Variants in GRIN2B observed in about 807,000 individuals in gnomAD.
GRIN2B encodes the protein glutamate ionotropic receptor NMDA type subunit 2B.
GRIN2B carries 5 observed loss-of-function variants against 114.5 expected under a neutral mutation model. That is an observed-to-expected ratio of 0.04 (90% CI 0.02 to 0.09). The LOEUF is 0.09. Among genes scored for constraint, GRIN2B ranks in the 10% least tolerant of loss-of-function variants. GRIN2B has a pLI of 1.00. For missense variants in GRIN2B, 1,108 were observed against 1,943.5 expected, an observed-to-expected ratio of 0.57 and a Z score of 8.08; for synonymous variants, 787 against 745.1, an observed-to-expected ratio of 1.06 and a Z score of -0.92.
intron 3 of GRIN2B, among the ~76,000 whole-genome samples, chr12:13,763,309 C>G (rs1863716567): frequency 6.6e-6 from 1 of 152,148 alleles, no homozygotes; most frequent in African/African-American, 2.4e-5. Flanking sequence ...AATTGGTGCA[C>G]TGATTGTGAA....
Position 13,542,100 on chromosome 12 carries a change from C to G in GRIN2B, c.*20683G>C, listed in dbSNP as rs7977373. 1 of 152,124 alleles carries G rather than the reference C, an allele frequency of 6.6e-6. No homozygotes were observed. Among genetic ancestry groups the G allele is most frequent in the South Asian group, 2.1e-4 (1 of 4,812 alleles). 9.4% of individuals were successfully genotyped at this position (152,124 alleles called of 1,614,324 possible). On this transcript the variant is annotated 3_prime_UTR_variant, in exon 14 of 14. Coordinates refer to ENST00000609686, the MANE Select transcript of GRIN2B (RefSeq NM_000834.5). ...GATCCTTGAAAACGCTCTCTCAAGG[C>G]TTTTAAAGACTTTCATTCATTTCCA...
chr12:13,572,040 G>GTGAAGAGACA (rs1948715646), intron 10 of GRIN2B, 76 bp from the exon 11 acceptor site: 5 of 1,188,088 alleles, frequency 4.2e-6, no homozygotes, highest in Non-Finnish European at 4.9e-6. Context: ...TTTAGAAAAT[G>GTGAAGAGACA]TGAAGAGACA....
chr12:13,839,143 T>C (rs961544064), intron 3 of GRIN2B, among the ~76,000 whole-genome samples: 2 of 152,232 alleles, frequency 1.3e-5, no homozygotes. Context: ...CTGTGAAGCA[T>C]ACATGTGCAG....
rs1056507507 is a variant in GRIN2B at position 13,980,345 on chromosome 12, A to G, written c.-436T>C. The stretch of plus-strand genomic sequence containing the variant: ...CTCGGTGGAGCATGGTCATTCCCAA[A>G]GCGTCCCCTTCCTAAGGGGGAAAAA... On this transcript the variant is annotated 5_prime_UTR_variant, in exon 2 of 14. Coordinates refer to ENST00000609686, the MANE Select transcript of GRIN2B (RefSeq NM_000834.5). 6.6e-6 allele frequency: 1 copy of G among 152,102 alleles called. No homozygotes were observed. The highest frequency in any genetic ancestry group is 1.5e-5 in the Non-Finnish European group (1 of 68,026). 9.4% of individuals were successfully genotyped at this position (152,102 alleles called of 1,614,324 possible).
chr12:13,711,252 T>A (rs1446222793), intron 4 of GRIN2B, among the ~76,000 whole-genome samples: 4 of 151,934 alleles, frequency 2.6e-5, no homozygotes, highest in Non-Finnish European at 4.4e-5. Flanking sequence ...GACTTACATG[T>A]TAGACCTAAA....
intron 5 of GRIN2B, among the ~76,000 whole-genome samples, chr12:13,636,631 T>G (rs1949668672): frequency 6.6e-6 from 1 of 151,816 alleles, no homozygotes; most frequent in African/African-American, 2.4e-5. Context: ...AAGAGAGAAA[T>G]CGAAGATAAC....
At chr12:13,886,350 C>T (rs763467140) in intron 2 of GRIN2B, among the ~76,000 whole-genome samples, 1 of 152,172 alleles carries the variant, frequency 6.6e-6, no homozygotes, top group Non-Finnish European at 1.5e-5. Flanking sequence ...TTCCATATCA[C>T]CCCACATGCT....
At chr12:13,895,222 G>T (rs1866333505) in intron 2 of GRIN2B, among the ~76,000 whole-genome samples, 1 of 152,176 alleles carries the variant, frequency 6.6e-6, no homozygotes, top group Non-Finnish European at 1.5e-5. Flanking sequence ...CACTTGGCTG[G>T]CCAGTGGCAA....
intron 3 of GRIN2B, among the ~76,000 whole-genome samples, chr12:13,856,608 G>A (rs1181634043): frequency 6.6e-6 from 1 of 152,134 alleles, no homozygotes; most frequent in Non-Finnish European, 1.5e-5. Flanking sequence ...AGAACTCTTG[G>A]TTTCTATAAT....
At position 13,542,125 on chromosome 12, in the gene GRIN2B, A is replaced by G. The variant is rs923989490; in HGVS notation, c.*20658T>C. Reference sequence around the variant, plus strand: ...CTTTTAAAGACTTTCATTCATTTCCATGCTCCTGTCCCACTGTTTCTGTCA... The same window carrying G: ...CTTTTAAAGACTTTCATTCATTTCCGTGCTCCTGTCCCACTGTTTCTGTCA... On this transcript the variant is annotated 3_prime_UTR_variant, in exon 14 of 14. Transcript: ENST00000609686. The G allele has an allele frequency of 6.6e-6, 1 of 152,128 alleles. No individual in the cohort carries two copies. Among genetic ancestry groups the G allele is most frequent in the African/African-American group, 2.4e-5 (1 of 41,418 alleles). 9.4% of individuals were successfully genotyped at this position (152,128 alleles called of 1,614,324 possible). A position where few individuals can be genotyped will look rare whatever the true frequency, so the allele number is the denominator to read the frequency against.
intron 4 of GRIN2B, among the ~76,000 whole-genome samples, chr12:13,732,326 C>G (rs577041410): frequency 6.6e-6 from 1 of 152,348 alleles, no homozygotes; most frequent in South Asian, 2.1e-4. Context: ...TCTCCCATGA[C>G]TTGTTCACAA....
intron 3 of GRIN2B, among the ~76,000 whole-genome samples, chr12:13,818,372 T>G (rs1239641578): frequency 1.3e-5 from 2 of 152,236 alleles, no homozygotes; most frequent in Non-Finnish European, 2.9e-5. Flanking sequence ...ATTCATGCCC[T>G]GGTTGTTTGA....
intron 2 of GRIN2B, among the ~76,000 whole-genome samples, chr12:13,909,417 A>G (rs561946147): frequency 6.6e-6 from 1 of 152,352 alleles, no homozygotes; most frequent in South Asian, 2.1e-4. Context: ...GTACCTCGGG[A>G]TAGGGCCGTG....
chr12:13,684,095 T>A (rs1046928332), intron 4 of GRIN2B, among the ~76,000 whole-genome samples: 1 of 152,204 alleles, frequency 6.6e-6, no homozygotes, highest in African/African-American at 2.4e-5. Flanking sequence ...TGGGAATATT[T>A]GTTTTGTTCT....
chr12:13,615,868 T>C lies in GRIN2B; in HGVS notation c.1329-204A>G, dbSNP rs1040380872. On this transcript the variant is annotated intron_variant, in intron 6 of 13. Coordinates refer to ENST00000609686, the MANE Select transcript of GRIN2B (RefSeq NM_000834.5). The surrounding 1 kb of genome is among the most constrained non-coding windows in gnomAD (Gnocchi z 5.8). ...CTCATTATCTCGTCATATTGAGATA[T>C]GTTTCCTCTTAATTTTAATTCTCCT... is the stretch of plus-strand genomic sequence containing the variant. Among the ~76,000 whole-genome samples the C allele has an allele frequency of 1.3e-5, 2 of 152,176 alleles. No homozygotes were observed. Among genetic ancestry groups the C allele is most frequent in the African/African-American group, 2.4e-5 (1 of 41,446 alleles).
chr12:13,564,060 C>T lies in GRIN2B; in HGVS notation c.3178G>A (p.Val1060Ile). The stretch of plus-strand genomic sequence containing the variant: ...ACGGTGTGGGTTGAGATGTCAGAGA[C>T]ATCGGAGCGGATCAAGTCGTCGTGG... ...SGHDDLIRSD[V>I]SDISTHTVTY... Residue 1060 changes from valine to isoleucine, a missense_variant, in exon 14 of 14, where the codon GTC becomes ATC. By Grantham distance (29) the Val-to-Ile change is conservative. This residue lies in a region of GRIN2B where 19 missense variants were observed against 62.0 expected (regional missense o/e 0.31). Coordinates refer to ENST00000609686, the MANE Select transcript of GRIN2B (RefSeq NM_000834.5). The surrounding 1 kb of genome is among the most constrained non-coding windows in gnomAD (Gnocchi z 4.8). The T allele has an allele frequency of 6.2e-7, 1 of 1,614,254 alleles. No homozygotes were observed. Among genetic ancestry groups the T allele is most frequent in the South Asian group, 1.1e-5 (1 of 91,086 alleles).
intron 3 of GRIN2B, among the ~76,000 whole-genome samples, chr12:13,785,352 C>T (rs987956701): frequency 6.6e-6 from 1 of 152,076 alleles, no homozygotes; most frequent in Non-Finnish European, 1.5e-5. Context: ...AAGTTTAGAC[C>T]TTTCCTATCA....
chr12:13,866,104 A>G lies in GRIN2B; in HGVS notation c.105T>C (p.Ile35=). The G allele has an allele frequency of 6.2e-7, 1 of 1,613,962 alleles. No individual in the cohort carries two copies. The highest frequency in any genetic ancestry group is 8.5e-7 in the Non-Finnish European group (1 of 1,179,970). Residue 35 remains isoleucine (I), a synonymous_variant, in exon 3 of 14, where the codon ATT becomes ATC. Transcript: ENST00000609686. ...TGCCCACGAGGATGACAGCAATGCC[A>G]ATGCTGGGGGGGCTCTTCTGAGAAC... ...RARSQKSPPS[I]GIAVILVGTS...
intron 2 of GRIN2B, among the ~76,000 whole-genome samples, chr12:13,917,566 G>A (rs538978240): frequency 6.6e-6 from 1 of 152,198 alleles, no homozygotes; most frequent in Non-Finnish European, 1.5e-5. Context: ...GCAGTGACCA[G>A]GGTAAATGTG....
Sources: allele counts gnomAD v4.1 joint callset (sites outside exome capture counted in the v4.1 genomes callset), GRCh38; gene constraint gnomAD v4.1.1; regional missense constraint gnomAD v4.1.1; non-coding constraint Gnocchi (gnomAD v3.1); transcripts MANE v1.5; gene names NCBI Gene and HGNC (gene_info 2026-07-23, HGNC 2026-07-21).